The following MCTP1 variants were observed in gnomAD, a reference collection of about 807,000 sequenced individuals.
MCTP1 encodes the protein multiple C2 and transmembrane domain-containing protein 1.
MCTP1 carries 69 observed loss-of-function variants against 120.6 expected under a neutral mutation model. The ratio of observed to expected loss-of-function variants is 0.57; its 90% CI spans 0.47 to 0.70. The LOEUF (loss-of-function observed/expected upper bound fraction) is 0.70, where lower values mean the gene tolerates loss of function less well. MCTP1 is among the 30% of genes least tolerant of loss of function. MCTP1 has a pLI of 0.00. For synonymous variants in MCTP1, 529 were observed against 493.1 expected (o/e 1.07, Z -0.96); for missense variants, 1,203 against 1,248.8 (o/e 0.96, Z 0.55).
At chr5:94,730,949 ACTC>A (rs765624514) in intron 19 of MCTP1, among the ~76,000 whole-genome samples, 1 of 88,326 alleles carries the variant, frequency 1.1e-5, no homozygotes, top group Non-Finnish European at 2.4e-5. Flanking sequence ...ACACACACAC[ACTC>A]CACACACACA....
intron 3 of MCTP1, among the ~76,000 whole-genome samples, chr5:94,951,019 T>A (rs1820425424): frequency 6.6e-6 from 1 of 151,110 alleles, no homozygotes; most frequent in Admixed American, 6.6e-5. Context: ...GTGTAGATTG[T>A]GCATAGCAGT....
At chr5:94,729,198 G>A (rs1762669741) in intron 19 of MCTP1, among the ~76,000 whole-genome samples, 1 of 152,188 alleles carries the variant, frequency 6.6e-6, no homozygotes, top group Admixed American at 6.5e-5. Context: ...ACACAAGGAA[G>A]TAGCTACACA....
chr5:95,208,519 A>T (rs1751939421), intron 1 of MCTP1, among the ~76,000 whole-genome samples: 1 of 152,166 alleles, frequency 6.6e-6, no homozygotes, highest in African/African-American at 2.4e-5. Flanking sequence ...CATTCCTGAC[A>T]ATCTAAGAGG....
At chr5:94,832,364 A>G (rs76601866) in intron 17 of MCTP1, among the ~76,000 whole-genome samples, 4,269 of 152,284 alleles carry the variant, frequency 0.028, 131 homozygotes, top group African/African-American at 0.076. Flanking sequence ...GAAAGTTCCC[A>G]GGTAATCACC....
intron 1 of MCTP1, among the ~76,000 whole-genome samples, chr5:95,101,284 C>A (rs567815092): frequency 3.9e-5 from 6 of 152,034 alleles, no homozygotes; most frequent in Admixed American, 6.5e-5. Flanking sequence ...ACAGAAAAAA[C>A]CTCAAAATTT....
At chr5:95,237,431 G>C (rs1384335282) in intron 1 of MCTP1, among the ~76,000 whole-genome samples, 2 of 152,158 alleles carry the variant, frequency 1.3e-5, no homozygotes, top group Non-Finnish European at 2.9e-5. Context: ...ACTCTGGTAA[G>C]ACGGACCTCA....
intron 19 of MCTP1, among the ~76,000 whole-genome samples, chr5:94,755,816 A>G (rs1378856517): frequency 6.6e-6 from 1 of 152,116 alleles, no homozygotes; most frequent in African/African-American, 2.4e-5. Context: ...TGTATCTCTA[A>G]TGGGTAATTC....
intron 1 of MCTP1, among the ~76,000 whole-genome samples, chr5:95,190,564 A>G (rs1314814879): frequency 6.6e-6 from 1 of 152,008 alleles, no homozygotes; most frequent in Non-Finnish European, 1.5e-5. Context: ...GTCAACTACC[A>G]ATCTGGAACC....
chr5:95,140,699 A>C (rs1363316247), intron 1 of MCTP1, among the ~76,000 whole-genome samples: 1 of 75,106 alleles, frequency 1.3e-5, no homozygotes, highest in Non-Finnish European at 2.8e-5. Context: ...CTACTAAAAA[A>C]AAAAAAAAAA....
At chr5:95,138,929 CTTCA>C (rs1759677319) in intron 1 of MCTP1, among the ~76,000 whole-genome samples, 1 of 152,110 alleles carries the variant, frequency 6.6e-6, no homozygotes, top group African/African-American at 2.4e-5. Flanking sequence ...TTGTCACAGT[CTTCA>C]TTTAGATCTG....
chr5:95,262,884 A>T (rs1159667475), intron 1 of MCTP1, among the ~76,000 whole-genome samples: 1 of 152,210 alleles, frequency 6.6e-6, no homozygotes, highest in Non-Finnish European at 1.5e-5. Flanking sequence ...AGCTTTTTTC[A>T]ATCAGTAGAC....
intron 1 of MCTP1, among the ~76,000 whole-genome samples, chr5:95,020,940 T>A (rs1838091827): frequency 6.6e-6 from 1 of 152,074 alleles, no homozygotes; most frequent in African/African-American, 2.4e-5. Context: ...CTATACCATG[T>A]GATTACAATG....
chr5:94,935,270 T>C (rs1335236617), intron 5 of MCTP1, among the ~76,000 whole-genome samples: 1 of 152,052 alleles, frequency 6.6e-6, no homozygotes, highest in East Asian at 1.9e-4. Flanking sequence ...TTTAGTAGAT[T>C]CAGTAGGCTG....
chr5:94,969,087 A>T (rs1561944253), intron 2 of MCTP1, among the ~76,000 whole-genome samples: 1 of 152,152 alleles, frequency 6.6e-6, no homozygotes, highest in African/African-American at 2.4e-5. Context: ...GGAAATATCA[A>T]TTTTTTCTAA....
chr5:94,760,359 C>G (rs1771041057), intron 19 of MCTP1, among the ~76,000 whole-genome samples: 1 of 152,132 alleles, frequency 6.6e-6, no homozygotes, highest in Non-Finnish European at 1.5e-5. Flanking sequence ...AGCAAACTAC[C>G]AAGGGTAGCT....
At chr5:94,824,122 C>T (rs180968196) in intron 17 of MCTP1, among the ~76,000 whole-genome samples, 136 of 152,216 alleles carry the variant, frequency 8.9e-4, no homozygotes, top group African/African-American at 2.9e-3. Flanking sequence ...TGTCTTGTGC[C>T]GGTTTTCAAA....
At chr5:94,844,526 G>C (rs1343266995) in intron 17 of MCTP1, among the ~76,000 whole-genome samples, 6 of 151,964 alleles carry the variant, frequency 3.9e-5, no homozygotes, top group Non-Finnish European at 8.8e-5. Flanking sequence ...TCCACTCTAA[G>C]AGTAATAAAA....
chr5:95,161,275 A>T (rs1745710971), intron 1 of MCTP1, among the ~76,000 whole-genome samples: 1 of 152,182 alleles, frequency 6.6e-6, no homozygotes, highest in Non-Finnish European at 1.5e-5. Context: ...AAAGGGGGGA[A>T]ATCCTGTCAT....
At chr5:95,023,629 C>T (rs1261504761) in intron 1 of MCTP1, among the ~76,000 whole-genome samples, 1 of 152,204 alleles carries the variant, frequency 6.6e-6, no homozygotes, top group African/African-American at 2.4e-5. Context: ...TCTAGAGAGA[C>T]ATCTCCTTTC....
Sources: allele counts gnomAD v4.1 joint callset (sites outside exome capture counted in the v4.1 genomes callset), GRCh38; gene constraint gnomAD v4.1.1; transcripts MANE v1.5; gene names NCBI Gene and HGNC (gene_info 2026-07-23, HGNC 2026-07-21).